Variants in NDUFAF7 observed in about 807,000 individuals in gnomAD.
NDUFAF7 encodes the protein protein arginine methyltransferase NDUFAF7, mitochondrial.
Under a neutral mutation model 47.2 loss-of-function variants are expected in NDUFAF7, and 48 were observed. The ratio of observed to expected loss-of-function variants is 1.02; its 90% CI spans 0.81 to 1.29. The LOEUF (loss-of-function observed/expected upper bound fraction) is 1.29, where lower values mean the gene tolerates loss of function less well. Ranked by LOEUF, NDUFAF7 falls within the 50% of genes most tolerant of loss-of-function variation. NDUFAF7 has a pLI of 0.00. For synonymous variants in NDUFAF7, 217 were observed against 190.0 expected (o/e 1.14, Z -1.17); for missense variants, 635 against 537.6 (o/e 1.18, Z -1.79).
chr2:37,254,938 T>C (rs1667812472), downstream of NDUFAF7, among the ~76,000 whole-genome samples: 1 of 152,230 alleles, frequency 6.6e-6, no homozygotes, highest in Admixed American at 6.5e-5. Flanking sequence ...GAATGATCAA[T>C]TGCAAAACCA....
chr2:37,253,405 C>G (rs1243739396), downstream of NDUFAF7: 6 of 1,483,564 alleles, frequency 4.0e-6, no homozygotes, highest in Non-Finnish European at 4.6e-6. Flanking sequence ...TACTGTCAAC[C>G]TGGTTTTTGT....
chr2:37,233,810 A>G (rs867031523), intron 2 of NDUFAF7, among the ~76,000 whole-genome samples: 1 of 152,138 alleles, frequency 6.6e-6, no homozygotes, highest in Non-Finnish European at 1.5e-5. Flanking sequence ...CTCTTAACCT[A>G]GGGACCCTTT....
intron 4 of NDUFAF7, 85 bp from the exon 5 acceptor site, chr2:37,241,493 C>T (rs1443125363): frequency 3.6e-6 from 4 of 1,118,898 alleles, no homozygotes; most frequent in East Asian, 2.6e-5. Context: ...TCTATTGTGA[C>T]ATGACTAAAT....
intron 2 of NDUFAF7, 39 bp downstream of exon 2, chr2:37,232,305 C>G: frequency 6.2e-7 from 1 of 1,610,996 alleles, no homozygotes; most frequent in South Asian, 1.1e-5. Flanking sequence ...CCCTCTCTAG[C>G]CGATTTGCGA....
At chr2:37,255,881 G>T (rs1667891340), downstream of NDUFAF7, among the ~76,000 whole-genome samples, 1 of 152,042 alleles carries the variant, frequency 6.6e-6, no homozygotes. Context: ...GTGGCCCATG[G>T]TGCATACCCA....
the NDUFAF7 span, among the ~76,000 whole-genome samples, chr2:37,263,571 G>A: frequency 6.6e-6 from 1 of 152,078 alleles, no homozygotes; most frequent in Non-Finnish European, 1.5e-5. Flanking sequence ...GTGTTATTTG[G>A]TGTAGTATGA....
rs78699229 is a variant in NDUFAF7 at position 37,242,079 on chromosome 2, G to A, written c.622+288G>A. 5.0e-3 allele frequency: 2,145 copies of A among 431,148 alleles called. 32 individuals are homozygous for A. The highest frequency in any genetic ancestry group is 0.04 in the African/African-American group (1,996 of 50,112). 26.7% of individuals were successfully genotyped at this position (431,148 alleles called of 1,614,324 possible). A position where few individuals can be genotyped will look rare whatever the true frequency, so the allele number is the denominator to read the frequency against. ...CTATAGCTAGGGTTGTACCGATGAC[G>A]GAGCAGCCCAAGGCAGCTGGGGCTG... On this transcript the variant is annotated intron_variant, in intron 5 of 9. Coordinates refer to ENST00000002125, the MANE Select transcript of NDUFAF7 (RefSeq NM_144736.5).
the NDUFAF7 span, among the ~76,000 whole-genome samples, chr2:37,260,782 T>C: frequency 1.4e-4 from 22 of 152,216 alleles, no homozygotes; most frequent in African/African-American, 4.6e-4. Context: ...TGATGGTATT[T>C]GCTTAAGAGT....
At chr2:37,239,284 A>G (rs1399448670) in intron 4 of NDUFAF7, among the ~76,000 whole-genome samples, 2 of 152,068 alleles carry the variant, frequency 1.3e-5, no homozygotes, top group Middle Eastern at 3.4e-3. Context: ...ACACCCGGCT[A>G]ATTTTTTTAT....
chr2:37,260,145 C>A, the NDUFAF7 span: 2 of 1,310,584 alleles, frequency 1.5e-6, no homozygotes, highest in Non-Finnish European at 2.1e-6. Context: ...GCCCAGGTGA[C>A]AGAGTAAGAC....
the NDUFAF7 span, among the ~76,000 whole-genome samples, chr2:37,258,525 T>C: frequency 1.2e-4 from 18 of 152,322 alleles, no homozygotes; most frequent in African/African-American, 2.4e-4. Flanking sequence ...ATTGGAACAC[T>C]GTGGATCACT....
intron 3 of NDUFAF7, among the ~76,000 whole-genome samples, chr2:37,237,347 T>C (rs756757344): frequency 2.0e-5 from 3 of 152,260 alleles, no homozygotes; most frequent in Admixed American, 6.5e-5. Flanking sequence ...GGAAATAGTG[T>C]ATACGAGGAA....
chr2:37,269,714 ATTAT>A, the NDUFAF7 span: 1 of 1,501,212 alleles, frequency 6.7e-7, no homozygotes, highest in Admixed American at 1.8e-5. Flanking sequence ...AGGAGTTAGT[ATTAT>A]TTATTTCTAT....
chr2:37,245,660 AT>A (rs1360386617), intron 7 of NDUFAF7, among the ~76,000 whole-genome samples: 1 of 141,916 alleles, frequency 7.0e-6, no homozygotes, highest in Non-Finnish European at 1.5e-5. Context: ...ATTGACTGTT[AT>A]GTGCCTGGCA....
At chr2:37,263,967 T>A in the NDUFAF7 span, among the ~76,000 whole-genome samples, 3 of 152,216 alleles carry the variant, frequency 2.0e-5, no homozygotes, top group Non-Finnish European at 4.4e-5. Flanking sequence ...CTCTAGGTTT[T>A]TGATAACGTT....
At chr2:37,257,583 G>A (rs2192939), downstream of NDUFAF7, among the ~76,000 whole-genome samples, 90,554 of 149,374 alleles carry the variant, frequency 0.61, 27,686 homozygotes, top group African/African-American at 0.69. Context: ...GGAGAATGGC[G>A]TGAACCCAGG....
intron 4 of NDUFAF7, among the ~76,000 whole-genome samples, chr2:37,240,635 T>A (rs1666250110): frequency 6.6e-6 from 1 of 152,180 alleles, no homozygotes; most frequent in South Asian, 2.1e-4. Context: ...GAATATAAAA[T>A]ATTTAATAAG....
At chr2:37,253,985 G>T (rs1366576723), downstream of NDUFAF7, among the ~76,000 whole-genome samples, 1 of 152,168 alleles carries the variant, frequency 6.6e-6, no homozygotes, top group Non-Finnish European at 1.5e-5. Flanking sequence ...ATAGGTCTAT[G>T]AAAGGCTAAG....
chr2:37,267,746 C>T, the NDUFAF7 span: 1 of 480,704 alleles, frequency 2.1e-6, no homozygotes, highest in Non-Finnish European at 3.6e-6. Context: ...AAGTCAGCTG[C>T]ATTATCTAAA....
Sources: allele counts gnomAD v4.1 joint callset (sites outside exome capture counted in the v4.1 genomes callset), GRCh38; gene constraint gnomAD v4.1.1; transcripts MANE v1.5; gene names NCBI Gene and HGNC (gene_info 2026-07-23, HGNC 2026-07-21).